Variants in TESK2 observed in about 807,000 individuals in gnomAD.
TESK2 encodes the protein dual specificity testis-specific protein kinase 2.
In TESK2, 39 loss-of-function variants were observed where a neutral mutation model predicts 57.1. The observed-to-expected ratio is 0.68, with a 90% CI of 0.53 to 0.89. TESK2 has a LOEUF of 0.89. Among genes scored for constraint, TESK2 ranks in the 40% least tolerant of loss-of-function variants. The probability of loss-of-function intolerance (pLI) is 0.00; values close to 1 mark genes in which losing one functional copy is unlikely to be tolerated. For missense variants in TESK2, 646 were observed against 732.1 expected (o/e 0.88, Z 1.36); for synonymous variants, 249 against 267.9 (o/e 0.93, Z 0.69).
At chr1:45,358,343 G>A (rs980304249) in intron 4 of TESK2, among the ~76,000 whole-genome samples, 1 of 151,742 alleles carries the variant, frequency 6.6e-6, no homozygotes, top group Non-Finnish European at 1.5e-5. Context: ...TGGGTGTGGT[G>A]GTGTGTGCCT....
intron 2 of TESK2, among the ~76,000 whole-genome samples, chr1:45,455,042 T>C (rs1652018372): frequency 6.6e-6 from 1 of 152,074 alleles, no homozygotes; most frequent in Non-Finnish European, 1.5e-5. Context: ...TGGACAGAAA[T>C]ATAGTTATAA....
At chr1:45,476,830 G>C (rs2149306271) in intron 1 of TESK2, among the ~76,000 whole-genome samples, 1 of 151,866 alleles carries the variant, frequency 6.6e-6, no homozygotes, top group South Asian at 2.1e-4. Context: ...CTGGGAGATA[G>C]AGTGAGACTC....
At position 45,436,178 on chromosome 1, in the gene TESK2, C is replaced by CTTTTTTT. The variant is rs1557573084; in HGVS notation, c.223-14333_223-14332insAAAAAAA. On this transcript the variant is annotated intron_variant, in intron 2 of 10. Transcript: ENST00000372086. Reference sequence around the variant, plus strand: ...TTTCTGTGAAAAATGACATTGGTATCTTCTTTTTTTTTTTTTTTTTTTTTG... The same window carrying CTTTTTTT: ...TTTCTGTGAAAAATGACATTGGTATCTTTTTTTTTCTTTTTTTTTTTTTTTTTTTTTG... 2.3e-4 allele frequency among the ~76,000 whole-genome samples: 3 copies of CTTTTTTT among 12,970 alleles called. 1 individual carries two copies. Among genetic ancestry groups the CTTTTTTT allele is most frequent in the Non-Finnish European group, 4.1e-4 (2 of 4,872 alleles). 8.5% of individuals were successfully genotyped at this position (12,970 alleles called of 152,430 possible).
At chr1:45,422,756 T>TGTTGTTGTTG (rs1553152247) in intron 2 of TESK2, among the ~76,000 whole-genome samples, 3 of 8,822 alleles carry the variant, frequency 3.4e-4, no homozygotes, top group African/African-American at 6.7e-4. Context: ...TCATGTCTGG[T>TGTTGTTGTTG]TTTTTGTTGT....
At chr1:45,418,802 C>G (rs1254285809) in intron 3 of TESK2, among the ~76,000 whole-genome samples, 12 of 152,130 alleles carry the variant, frequency 7.9e-5, no homozygotes, top group Admixed American at 7.9e-4. Flanking sequence ...AGTTCCTCCC[C>G]TATCTTCTAA....
At chr1:45,351,553 A>G (rs1177813901) in intron 5 of TESK2, among the ~76,000 whole-genome samples, 1 of 152,238 alleles carries the variant, frequency 6.6e-6, no homozygotes, top group Admixed American at 6.5e-5. Context: ...GGAAAAAGGC[A>G]TCTTCTTCTC....
At chr1:45,488,822 C>T (rs972410051) in intron 1 of TESK2, among the ~76,000 whole-genome samples, 4 of 152,206 alleles carry the variant, frequency 2.6e-5, no homozygotes, top group African/African-American at 9.6e-5. Context: ...CATCCCCACC[C>T]TACCAAAACT....
intron 3 of TESK2, among the ~76,000 whole-genome samples, chr1:45,416,072 C>CT (rs34785518): frequency 0.73 from 43,134 of 59,096 alleles, 20,394 homozygotes; most frequent in Admixed American, 0.79. Context: ...AATCTAGAGC[C>CT]TTTTTTTTTT....
intron 1 of TESK2, among the ~76,000 whole-genome samples, chr1:45,488,306 T>C (rs1410364209): frequency 6.6e-6 from 1 of 152,184 alleles, no homozygotes; most frequent in Non-Finnish European, 1.5e-5. Context: ...AAACTCACCA[T>C]AGTGTCTTCA....
Position 45,457,587 on chromosome 1 carries a change from C to G in TESK2, c.199G>C (p.Gly67Arg). 6.2e-7 allele frequency: 1 copy of G among 1,613,996 alleles called. No individual in the cohort carries two copies. Among genetic ancestry groups the G allele is most frequent in the Non-Finnish European group, 8.5e-7 (1 of 1,179,968 alleles). The change falls in exon 2 of 11, where the codon GGC becomes CGC. Residue 67 changes from glycine to arginine, a missense_variant. Coordinates refer to ENST00000372086, the MANE Select transcript of TESK2 (RefSeq NM_007170.3). The part of the protein sequence containing the change: ...DDFTCEKIGS[G>R]FFSEVFKVRH... ...ACCTTGAACACTTCAGAAAAGAAGC[C>G]AGACCCTATTTTTTCACAGGTGAAA...
intron 4 of TESK2, among the ~76,000 whole-genome samples, chr1:45,363,742 A>G (rs556407562): frequency 6.6e-6 from 1 of 151,978 alleles, no homozygotes; most frequent in Admixed American, 6.6e-5. Context: ...TTTTCTGTAT[A>G]AGTAGGGGAG....
At chr1:45,416,879 C>T (rs1271123769) in intron 3 of TESK2, among the ~76,000 whole-genome samples, 3 of 151,838 alleles carry the variant, frequency 2.0e-5, no homozygotes, top group Non-Finnish European at 4.4e-5. Flanking sequence ...CTCCGCCTCT[C>T]GGGTTCAAGT....
At chr1:45,369,842 G>C (rs1648103868) in intron 4 of TESK2, among the ~76,000 whole-genome samples, 1 of 151,900 alleles carries the variant, frequency 6.6e-6, no homozygotes, top group Non-Finnish European at 1.5e-5. Flanking sequence ...CTCCCCAGTA[G>C]CTGGGATTAA....
chr1:45,363,856 C>A (rs1447768180), intron 4 of TESK2, among the ~76,000 whole-genome samples: 6 of 151,906 alleles, frequency 3.9e-5, no homozygotes, highest in African/African-American at 1.5e-4. Flanking sequence ...AGTTGTAGAG[C>A]CCTGAGTTGG....
intron 4 of TESK2, among the ~76,000 whole-genome samples, chr1:45,363,330 T>G (rs1570651263): frequency 6.6e-6 from 1 of 152,354 alleles, no homozygotes; most frequent in Non-Finnish European, 1.5e-5. Context: ...TTTTGCATCT[T>G]GAAAAGATTT....
intron 2 of TESK2, among the ~76,000 whole-genome samples, chr1:45,429,377 C>T (rs1218638766): frequency 6.6e-6 from 1 of 151,944 alleles, no homozygotes; most frequent in African/African-American, 2.4e-5. Context: ...GCCTGGGTGA[C>T]AGAGCGCAAC....
intron 3 of TESK2, among the ~76,000 whole-genome samples, chr1:45,418,901 T>G (rs1330432526): frequency 6.6e-6 from 1 of 151,918 alleles, no homozygotes; most frequent in African/African-American, 2.4e-5. Flanking sequence ...ATACTTACTA[T>G]GTAATCACAA....
At chr1:45,476,145 C>A (rs1415979894) in intron 1 of TESK2, among the ~76,000 whole-genome samples, 2 of 152,098 alleles carry the variant, frequency 1.3e-5, no homozygotes, top group African/African-American at 4.8e-5. Context: ...CTCTAGAGAA[C>A]CCTGACTAAT....
At chr1:45,426,395 T>C (rs989794399) in intron 2 of TESK2, among the ~76,000 whole-genome samples, 6 of 152,290 alleles carry the variant, frequency 3.9e-5, no homozygotes, top group Non-Finnish European at 7.3e-5. Context: ...GAAAACTGTA[T>C]AGTTACATGC....
Sources: allele counts gnomAD v4.1 joint callset (sites outside exome capture counted in the v4.1 genomes callset), GRCh38; gene constraint gnomAD v4.1.1; transcripts MANE v1.5; gene names NCBI Gene and HGNC (gene_info 2026-07-23, HGNC 2026-07-21).